The following U2AF2 variants were observed in gnomAD, a reference collection of about 807,000 sequenced individuals.
U2AF2 encodes the protein splicing factor U2AF 65 kDa subunit.
A neutral mutation model predicts 52.6 loss-of-function variants in U2AF2; 6 were observed. The ratio of observed to expected loss-of-function variants is 0.11; its 90% confidence interval spans 0.06 to 0.23. The LOEUF is 0.23. Among genes scored for constraint, U2AF2 ranks in the 10% least tolerant of loss-of-function variants. The pLI, the probability that U2AF2 is intolerant of heterozygous loss-of-function variation, is 1.00. For missense variants in U2AF2, 222 were observed against 677.1 expected (o/e 0.33, Z 7.46); for synonymous variants, 284 against 258.2 (o/e 1.10, Z -0.96).
intron 2 of U2AF2, among the ~76,000 whole-genome samples, 157 bp from the exon 3 acceptor site, chr19:55,660,020 G>C (rs1984063768): frequency 6.6e-6 from 1 of 152,082 alleles, no homozygotes; most frequent in South Asian, 2.1e-4. Flanking sequence ...GGGAGTGTTT[G>C]GGGGGAAATG....
intron 7 of U2AF2, among the ~76,000 whole-genome samples, chr19:55,666,470 C>T (rs949154067): frequency 2.6e-5 from 4 of 152,172 alleles, no homozygotes; most frequent in Non-Finnish European, 4.4e-5. Context: ...CAGCGGCTGA[C>T]CCCACTGACA....
Position 55,668,615 on chromosome 19 carries a change from T to TCCCCCCCCCCCCCCCCC in U2AF2, c.822+35_822+36insCCCCCCCCCCCCCCCCC. On this transcript the variant is annotated intron_variant, in intron 8 of 11. Coordinates refer to ENST00000308924, the MANE Select transcript of U2AF2 (RefSeq NM_007279.3). This position sits in a 1 kb window ranked among gnomAD's most constrained non-coding sequence, Gnocchi z 5.5. ...ACTTCCCTGCCTCCCTCCAGACCCG[T>TCCCCCCCCCCCCCCCCC]CCCCCCACCCCGCCCCACCTCATCC... The TCCCCCCCCCCCCCCCCC allele has an allele frequency of 6.6e-7, 1 of 1,514,020 alleles. No individual in the cohort carries two copies. 93.8% of individuals were successfully genotyped at this position (1,514,020 alleles called of 1,614,324 possible).
chr19:55,669,241 G>A, intron 10 of U2AF2, 60 bp downstream of exon 10: 9 of 1,591,748 alleles, frequency 5.7e-6, no homozygotes, highest in Non-Finnish European at 7.7e-6. Context: ...GCTAGTAGGG[G>A]ACAAGTGTTC....
In U2AF2 at chr19:55,655,124, T is replaced by G; in HGVS notation, c.20T>G (p.Phe7Cys). Residue 7 changes from phenylalanine to cysteine, a missense_variant, in exon 1 of 12, where the codon TTC becomes TGC. By Grantham distance (205) the Phe-to-Cys change is radical (BLOSUM62 -2). Around this residue, in one of 4 missense-constraint regions of U2AF2, gnomAD observed 100 missense variants for 144.1 expected, o/e 0.69. Transcript: ENST00000308924. MSDFDE[F>C]ERQLNENKQE... ...CTCAGCATGTCGGACTTCGACGAGT[T>G]CGAGCGGCAGCTCAACGAGAATAAA... 1 of 1,605,036 alleles carries G rather than the reference T, an allele frequency of 6.2e-7. No homozygotes were observed. The highest frequency in any genetic ancestry group is 8.5e-7 in the Non-Finnish European group (1 of 1,176,514).
Position 55,669,702 on chromosome 19 carries a change from C to T in U2AF2, c.1293+10C>T, listed in dbSNP as rs1312741002. ...GCCCGGCTGCGGAAAGGTCAGGAGGCCTCGGGCTCAGTGCTCTCTCACCCT... is the reference window on the plus strand; with the variant it reads ...GCCCGGCTGCGGAAAGGTCAGGAGGTCTCGGGCTCAGTGCTCTCTCACCCT... On this transcript the variant is annotated intron_variant, in intron 11 of 11. Coordinates refer to ENST00000308924, the MANE Select transcript of U2AF2 (RefSeq NM_007279.3). 2.5e-6 allele frequency: 4 copies of T among 1,590,140 alleles called. No individual in the cohort carries two copies.
chr19:55,660,637 C>G lies in U2AF2; in HGVS notation c.334+18C>G. The stretch of plus-strand genomic sequence containing the variant: ...CATGCAAGGTAGGCCCCTGGCCAGG[C>G]TGCTCCCAGAGCGGGAGGGTACAGG... On this transcript the variant is annotated intron_variant, in intron 4 of 11. Transcript: ENST00000308924. 1.2e-6 allele frequency: 2 copies of G among 1,609,010 alleles called. No homozygotes were observed. The highest frequency in any genetic ancestry group is 1.1e-5 in the South Asian group (1 of 90,820).
intron 6 of U2AF2, among the ~76,000 whole-genome samples, chr19:55,662,834 T>C (rs1170976577): frequency 2.6e-5 from 4 of 152,148 alleles, no homozygotes; most frequent in African/African-American, 9.7e-5. Flanking sequence ...AGAGGCCTGT[T>C]TGGCCTCTGT....
intron 11 of U2AF2, among the ~76,000 whole-genome samples, chr19:55,673,116 G>C (rs1006441909): frequency 1.3e-5 from 2 of 151,008 alleles, no homozygotes. Context: ...ATGGGGTTTC[G>C]CTATGTTGGC....
In U2AF2 at chr19:55,660,241, C is replaced by G; in HGVS notation, c.230+20C>G. ...ACTGATGTGAGCTTCTCTTCCTGCC[C>G]CTTCCTCCCTGATGTCCACTCCCTT... On this transcript the variant is annotated intron_variant, in intron 3 of 11. Transcript: ENST00000308924. The G allele has an allele frequency of 6.2e-7, 1 of 1,611,290 alleles. No individual in the cohort carries two copies.
chr19:55,660,763 C>G, intron 4 of U2AF2, 144 bp downstream of exon 4: 2 of 894,448 alleles, frequency 2.2e-6, no homozygotes, highest in Non-Finnish European at 3.3e-6. Context: ...GGTCTCTGCG[C>G]TTTTGAAGCC....
chr19:55,669,006 T>C, intron 9 of U2AF2, 77 bp from the exon 10 acceptor site: 1 of 1,542,396 alleles, frequency 6.5e-7, no homozygotes, highest in Non-Finnish European at 8.8e-7. Flanking sequence ...TGCCCCGGCT[T>C]GGGGGTAGGT....
In U2AF2 at chr19:55,670,191, G is replaced by T. The variant is rs972564032; in HGVS notation, c.1293+499G>T. Among the ~76,000 whole-genome samples, 3 of 152,150 alleles carry T rather than the reference G, an allele frequency of 2.0e-5. No individual in the cohort carries two copies. The South Asian group carries it at 6.2e-4, about 32-fold the overall frequency. On this transcript the variant is annotated intron_variant, in intron 11 of 11. Coordinates refer to ENST00000308924, the MANE Select transcript of U2AF2 (RefSeq NM_007279.3). The stretch of plus-strand genomic sequence containing the variant: ...ATCGTGGAAGGAGACAGGCACAGCG[G>T]GGGTGGCTCACACTGGCAGGTTTCA...
chr19:55,671,367 G>C (rs1355156341), intron 11 of U2AF2: 1 of 135,792 alleles, frequency 7.4e-6, no homozygotes, highest in East Asian at 2.1e-4. Flanking sequence ...TGAGATGCAG[G>C]GGTGATGAGC....
At chr19:55,663,486 C>A in intron 6 of U2AF2, 120 bp from the exon 7 acceptor site, 3 of 1,449,026 alleles carry the variant, frequency 2.1e-6, no homozygotes, top group Non-Finnish European at 2.8e-6. Flanking sequence ...CAGCCTGGGG[C>A]CTGGCATGTT....
intron 1 of U2AF2, 184 bp from the exon 2 acceptor site, chr19:55,659,025 TC>T: frequency 1.1e-6 from 1 of 921,800 alleles, no homozygotes; most frequent in Non-Finnish European, 1.5e-6. Context: ...GTCCCCCTGG[TC>T]CCCTCATGGT....
rs754649144 is a variant in U2AF2 at position 55,668,802 on chromosome 19, C to T, written c.945+10C>T. The T allele has an allele frequency of 4.5e-5, 73 of 1,606,998 alleles. No individual in the cohort carries two copies. Among genetic ancestry groups the T allele is most frequent in the Middle Eastern group, 3.4e-4 (2 of 5,798 alleles). ...CAACGTCACGGATCAGGTGAGTCCC[C>T]GGTCGCTGGCCGCTGCCGCGTCTGT... On this transcript the variant is annotated intron_variant, in intron 9 of 11. Coordinates refer to ENST00000308924, the MANE Select transcript of U2AF2 (RefSeq NM_007279.3). This position sits in a 1 kb window ranked among gnomAD's most constrained non-coding sequence, Gnocchi z 5.5.
Position 55,669,656 on chromosome 19 carries a change from G to A in U2AF2, c.1257G>A (p.Arg419=). The A allele has an allele frequency of 6.2e-7, 1 of 1,612,210 alleles. No individual in the cohort carries two copies. The highest frequency in any genetic ancestry group is 8.5e-7 in the Non-Finnish European group (1 of 1,179,482). Residue 419 remains arginine, a synonymous_variant, in exon 11 of 12, where the codon CGG becomes CGA. Transcript: ENST00000308924. ...TTGTCAAGTCCATCGAGATCCCCCG[G>A]CCTGTGGACGGCGTCGAGGTGCCCG... ...YGLVKSIEIP[R]PVDGVEVPGC...
At chr19:55,662,705 T>G in intron 6 of U2AF2, 87 bp downstream of exon 6, 1 of 1,227,248 alleles carries the variant, frequency 8.1e-7, no homozygotes, top group Admixed American at 1.9e-5. Flanking sequence ...AGCTGCCTTG[T>G]GCTGTTTCCA....
chr19:55,662,668 C>G, intron 6 of U2AF2, 50 bp downstream of exon 6: 1 of 1,524,088 alleles, frequency 6.6e-7, no homozygotes, highest in Non-Finnish European at 9.1e-7. Context: ...GATGTGAGGG[C>G]CCAGCCCTTA....
Sources: allele counts gnomAD v4.1 joint callset (sites outside exome capture counted in the v4.1 genomes callset), GRCh38; gene constraint gnomAD v4.1.1; regional missense constraint gnomAD v4.1.1; non-coding constraint Gnocchi (gnomAD v3.1); transcripts MANE v1.5; gene names NCBI Gene and HGNC (gene_info 2026-07-23, HGNC 2026-07-21).